The following ABCA4 variants were observed in gnomAD, a reference collection of about 807,000 sequenced individuals.
ABCA4 encodes the protein retinal-specific phospholipid-transporting ATPase ABCA4.
In ABCA4, 196 loss-of-function variants were observed where a neutral mutation model predicts 263.7. That is an observed-to-expected ratio of 0.74 (90% CI 0.66 to 0.84). The LOEUF is 0.84. ABCA4 is among the 40% of genes least tolerant of loss of function. The probability of loss-of-function intolerance (pLI) is 0.00; values close to 1 mark genes in which losing one functional copy is unlikely to be tolerated. For synonymous variants in ABCA4, 1,133 were observed against 1,094.2 expected, an observed-to-expected ratio of 1.04 and a Z score of -0.70; for missense variants, 2,792 against 2,855.1, an observed-to-expected ratio of 0.98 and a Z score of 0.50.
chr1:94,005,147 G>A (rs1659336953), intron 44 of ABCA4, among the ~76,000 whole-genome samples: 1 of 152,140 alleles, frequency 6.6e-6, no homozygotes, highest in Admixed American at 6.5e-5. Context: ...TTGCACTGTG[G>A]GAGATGCATC....
intron 6 of ABCA4, among the ~76,000 whole-genome samples, chr1:94,088,795 A>G (rs1165951928): frequency 6.6e-6 from 1 of 151,982 alleles, no homozygotes; most frequent in Non-Finnish European, 1.5e-5. Flanking sequence ...CTATGCAGAC[A>G]AAAAGCAACC....
chr1:94,048,370 T>C (rs1660743727), intron 18 of ABCA4, among the ~76,000 whole-genome samples: 2 of 152,228 alleles, frequency 1.3e-5, no homozygotes, highest in Non-Finnish European at 2.9e-5. Context: ...TTAGGGATTA[T>C]TAGGTAACTT....
intron 40 of ABCA4, among the ~76,000 whole-genome samples, chr1:94,009,653 C>G (rs76368546): frequency 0.038 from 5,734 of 152,294 alleles, 366 homozygotes; most frequent in African/African-American, 0.13. Flanking sequence ...AAGACACAGC[C>G]TCTTCTTTGA....
chr1:94,019,866 T>TAA, intron 35 of ABCA4, 107 bp from the exon 36 acceptor site: 4 of 1,254,784 alleles, frequency 3.2e-6, no homozygotes, highest in Non-Finnish European at 4.5e-6. Flanking sequence ...CGCCCAGGTG[T>TAA]GGCCTCCAGG....
intron 6 of ABCA4, among the ~76,000 whole-genome samples, chr1:94,094,947 G>A (rs187989093): frequency 6.6e-6 from 1 of 152,212 alleles, no homozygotes; most frequent in Non-Finnish European, 1.5e-5. Flanking sequence ...AGCTGGGGGC[G>A]TTAAGCCTGC....
At chr1:94,006,856 G>T (rs1659402981) in intron 43 of ABCA4, among the ~76,000 whole-genome samples, 1 of 152,234 alleles carries the variant, frequency 6.6e-6, no homozygotes, top group Non-Finnish European at 1.5e-5. Context: ...CAGGGCAGAG[G>T]CTTCCTCTGG....
At chr1:94,075,915 G>T (rs899079823) in intron 11 of ABCA4, among the ~76,000 whole-genome samples, 4 of 152,194 alleles carry the variant, frequency 2.6e-5, no homozygotes, top group Non-Finnish European at 4.4e-5. Context: ...CTGGGAGAGG[G>T]GTCTGAGAGA....
intron 16 of ABCA4, among the ~76,000 whole-genome samples, chr1:94,052,405 C>T (rs1049353075): frequency 1.3e-5 from 2 of 152,032 alleles, no homozygotes; most frequent in Non-Finnish European, 2.9e-5. Flanking sequence ...TTAAGAGTTG[C>T]CGTATGTTTC....
intron 1 of ABCA4, among the ~76,000 whole-genome samples, chr1:94,115,894 G>A (rs74104526): frequency 0.02 from 3,044 of 152,146 alleles, 31 homozygotes; most frequent in African/African-American, 0.037. Flanking sequence ...TGGAACCATG[G>A]TGCTTGCTAA....
rs764794519 is a variant in ABCA4 at position 93,996,129 on chromosome 1, C to T, written c.6796G>A (p.Gly2266Arg). The T allele has an allele frequency of 6.2e-7, 1 of 1,614,012 alleles. No homozygotes were observed. The highest frequency in any genetic ancestry group is 8.5e-7 in the Non-Finnish European group (1 of 1,180,020). Reference sequence around the variant, plus strand: ...GGTACCTGGGCTTGTCGACTGGCTCCAGCAGCTCGAGGGTGCAGAGGGAGG... The same window carrying T: ...GGTACCTGGGCTTGTCGACTGGCTCTAGCAGCTCGAGGGTGCAGAGGGAGG... ...HDLPLHPRAA[G>R]ASRQAQD The change falls in exon 49 of 50, where the codon GGA (glycine) becomes AGA (arginine). Residue 2266 changes from glycine to arginine, a missense_variant. Coordinates refer to ENST00000370225, the MANE Select transcript of ABCA4 (RefSeq NM_000350.3).
intron 5 of ABCA4, among the ~76,000 whole-genome samples, chr1:94,101,819 C>G (rs113688421): frequency 0.04 from 6,165 of 152,338 alleles, 164 homozygotes; most frequent in African/African-American, 0.058. Context: ...AGCTGCAGCT[C>G]TCACACCTGA....
intron 3 of ABCA4, among the ~76,000 whole-genome samples, chr1:94,111,143 A>G (rs1297067397): frequency 1.3e-5 from 2 of 152,220 alleles, no homozygotes; most frequent in African/African-American, 4.8e-5. Flanking sequence ...AATGACCAGA[A>G]GGCAGTGGAC....
Position 94,077,696 on chromosome 1 carries a change from G to A in ABCA4, c.1548C>T (p.Tyr516=), listed in dbSNP as rs1661572237. 1.2e-6 allele frequency: 2 copies of A among 1,612,078 alleles called. No homozygotes were observed. The highest frequency in any genetic ancestry group is 1.7e-6 in the Non-Finnish European group (2 of 1,178,632). ...TDRTLRLVNQ[Y]LECLVLDKFE... ...GGGGCTTGCAGCCCCTTACCTCCAG[G>A]TATTGATTGACCAGGCGGAGGGTGC... Residue 516 remains tyrosine (Y), a synonymous_variant, in exon 11 of 50, where the codon TAC becomes TAT. Coordinates refer to ENST00000370225, the MANE Select transcript of ABCA4 (RefSeq NM_000350.3).
chr1:94,054,902 T>C (rs1570385649), intron 16 of ABCA4, among the ~76,000 whole-genome samples: 1 of 152,016 alleles, frequency 6.6e-6, no homozygotes, highest in Admixed American at 6.6e-5. Flanking sequence ...AAGGTTGTGG[T>C]GGAGGTGGTG....
chr1:94,037,448 A>G, intron 24 of ABCA4, 98 bp from the exon 25 acceptor site: 3 of 1,092,780 alleles, frequency 2.7e-6, no homozygotes, highest in Non-Finnish European at 4.1e-6. Flanking sequence ...TTCCCCTTTG[A>G]AGAAGAGGTA....
Position 94,021,378 on chromosome 1 carries a change from A to G in ABCA4, c.4880T>C (p.Leu1627Pro), listed in dbSNP as rs2101023087. 7 of 1,614,232 alleles carry G rather than the reference A, an allele frequency of 4.3e-6. No individual in the cohort carries two copies. The highest frequency in any genetic ancestry group is 1.6e-4 in the Middle Eastern group (1 of 6,062). Reference protein sequence around the residue: ...VWFNNKGWHALVSFLNVAHNA... With the variant: ...VWFNNKGWHAPVSFLNVAHNA... ...GTGGGCCACATTGAGAAAGCTGACCAGGGCATGCCAGCCTTTGTTATTAAA... is the reference window on the plus strand; with the variant it reads ...GTGGGCCACATTGAGAAAGCTGACCGGGGCATGCCAGCCTTTGTTATTAAA... The change falls in exon 35 of 50, where the codon CTG becomes CCG. Residue 1627 changes from leucine to proline, a missense_variant. Leu to Pro is a moderately conservative substitution (Grantham distance 98, BLOSUM62 -3). Transcript: ENST00000370225.
chr1:94,069,875 G>A (rs1420022434), intron 11 of ABCA4, among the ~76,000 whole-genome samples: 1 of 152,056 alleles, frequency 6.6e-6, no homozygotes, highest in East Asian at 1.9e-4. Context: ...AAAGGGACAG[G>A]AAATGCACAG....
chr1:93,996,179 G>T lies in ABCA4; in HGVS notation c.6746C>A (p.Ala2249Asp). 1.2e-6 allele frequency: 2 copies of T among 1,613,864 alleles called. No homozygotes were observed. Among genetic ancestry groups the T allele is most frequent in the South Asian group, 2.2e-5 (2 of 91,086 alleles). ...TTLDQVFVNFAKQQTESHDLP... is the reference protein window; with the variant it reads ...TTLDQVFVNFDKQQTESHDLP... ...GTCATGACTTTCAGTCTGCTGTTTA[G>T]CAAAATTTACAAACACCTAGAGGTA... The change falls in exon 49 of 50, where the codon GCT becomes GAT. Residue 2249 changes from alanine to aspartate, a missense_variant. Physicochemically the swap from Ala to Asp is moderately radical, Grantham distance 126. Coordinates refer to ENST00000370225, the MANE Select transcript of ABCA4 (RefSeq NM_000350.3).
At chr1:94,015,713 A>C in intron 37 of ABCA4, 26 bp downstream of exon 37, 66 of 1,442,124 alleles carry the variant, frequency 4.6e-5, no homozygotes, top group Non-Finnish European at 5.9e-5. Flanking sequence ...CTTCAGAGGC[A>C]TTAGCTAATG....
Sources: gnomAD v4.1 joint callset for allele counts (sites outside exome capture counted in the v4.1 genomes callset) on GRCh38, gnomAD v4.1.1 for gene constraint, MANE v1.5 for transcripts, NCBI Gene and HGNC (gene_info 2026-07-23, HGNC 2026-07-21) for gene names.